EDA: variants seen among roughly 807,000 people sequenced by gnomAD.
EDA encodes the protein ectodysplasin-A.
Under a neutral mutation model 23.6 loss-of-function variants are expected in EDA, and 2 were observed. The observed-to-expected ratio is 0.08, with a 90% confidence interval of 0.03 to 0.27. EDA has a LOEUF of 0.27. Among genes scored for constraint, EDA ranks in the 10% least tolerant of loss-of-function variants. The pLI, the probability that EDA is intolerant of heterozygous loss-of-function variation, is 1.00. For missense variants in EDA, 229 were observed against 324.2 expected (o/e 0.71, Z 2.26); for synonymous variants, 131 against 132.0 (o/e 0.99, Z 0.05).
At chrX:69,964,032 A>G (rs1160207376) in intron 2 of EDA, among the ~76,000 whole-genome samples, 1 of 111,389 alleles carries the variant, frequency 9.0e-6, no homozygotes, top group Non-Finnish European at 1.9e-5. Flanking sequence ...GGCCCACCTG[A>G]CCTGATGTTC....
chrX:69,972,996 G>A (rs1250257015), intron 2 of EDA, among the ~76,000 whole-genome samples: 1 of 108,313 alleles, frequency 9.2e-6, no homozygotes, highest in East Asian at 2.8e-4. Flanking sequence ...AACTAACTAA[G>A]CTAATCTAAG....
intron 1 of EDA, among the ~76,000 whole-genome samples, chrX:69,632,630 C>T (rs1015833737): frequency 8.9e-6 from 1 of 112,326 alleles, no homozygotes; most frequent in Non-Finnish European, 1.9e-5. Context: ...ACATACTTCA[C>T]TTTCAGCTGT....
intron 1 of EDA, among the ~76,000 whole-genome samples, chrX:69,758,749 T>C (rs1347388724): frequency 3.6e-5 from 4 of 112,153 alleles, no homozygotes; most frequent in African/African-American, 1.3e-4. Flanking sequence ...GACAGGAGAA[T>C]CGCTTGAGCC....
intron 1 of EDA, among the ~76,000 whole-genome samples, chrX:69,771,744 G>A (rs1173599995): frequency 8.9e-6 from 1 of 111,902 alleles, no homozygotes; most frequent in African/African-American, 3.2e-5. Flanking sequence ...TCTGGGTTAT[G>A]TATTCTGTTC....
intron 1 of EDA, among the ~76,000 whole-genome samples, chrX:69,874,039 G>A (rs1231459708): frequency 8.9e-6 from 1 of 112,200 alleles, no homozygotes; most frequent in Non-Finnish European, 1.9e-5. Flanking sequence ...CGCTGGGCAC[G>A]GTAGCTCACG....
intron 1 of EDA, among the ~76,000 whole-genome samples, chrX:69,956,272 T>TTTCC (rs2018999225): frequency 8.5e-5 from 1 of 11,731 alleles, no homozygotes; most frequent in South Asian, 1.7e-3. Flanking sequence ...AATTCAAGGT[T>TTTCC]TTCTTTCTTT....
chrX:69,766,403 C>T (rs972524143), intron 1 of EDA, among the ~76,000 whole-genome samples: 6 of 110,661 alleles, frequency 5.4e-5, no homozygotes, highest in South Asian at 7.7e-4. Flanking sequence ...AGTACCCAAT[C>T]GTTATTTTTT....
intron 1 of EDA, among the ~76,000 whole-genome samples, chrX:69,645,634 A>ATGTG (rs1932912085): frequency 3.6e-5 from 3 of 83,833 alleles, no homozygotes; most frequent in African/African-American, 1.0e-4. Flanking sequence ...ATATATATAT[A>ATGTG]TGTATAAAAT....
intron 2 of EDA, among the ~76,000 whole-genome samples, chrX:69,995,814 G>A (rs754309943): frequency 6.4e-4 from 72 of 112,270 alleles, no homozygotes; most frequent in African/African-American, 2.2e-3. Flanking sequence ...ACCTCACTCC[G>A]TACTTCCAGA....
chrX:69,868,093 C>T (rs1473296222), intron 1 of EDA, among the ~76,000 whole-genome samples: 1 of 111,516 alleles, frequency 9.0e-6, no homozygotes, highest in Non-Finnish European at 1.9e-5. Flanking sequence ...ATCCTAGAGG[C>T]CTCCATTGTG....
chrX:69,992,131 TGGTGATTCCA>T (rs1040005291), intron 2 of EDA, among the ~76,000 whole-genome samples: 13 of 112,142 alleles, frequency 1.2e-4, no homozygotes, highest in African/African-American at 4.2e-4. Flanking sequence ...CTATGCATGT[TGGTGATTCCA>T]GGTTGCAGGA....
intron 1 of EDA, among the ~76,000 whole-genome samples, chrX:69,820,969 A>G (rs756120636): frequency 9.0e-6 from 1 of 111,327 alleles, no homozygotes; most frequent in Non-Finnish European, 1.9e-5. Flanking sequence ...CAGAACAGCT[A>G]AGACATGGAA....
At chrX:69,729,813 C>T (rs576776203) in intron 1 of EDA, among the ~76,000 whole-genome samples, 16 of 110,968 alleles carry the variant, frequency 1.4e-4, no homozygotes, top group African/African-American at 5.2e-4. Context: ...AGAATGTTTC[C>T]TCCCCCTTTC....
chrX:69,690,173 T>C (rs1934670886), intron 1 of EDA, among the ~76,000 whole-genome samples: 1 of 111,267 alleles, frequency 9.0e-6, no homozygotes, highest in Non-Finnish European at 1.9e-5. Flanking sequence ...TTCATAACTA[T>C]AACCTCTAGT....
intron 1 of EDA, among the ~76,000 whole-genome samples, chrX:69,830,917 C>T (rs1177551236): frequency 9.0e-6 from 1 of 111,371 alleles, no homozygotes; most frequent in Non-Finnish European, 1.9e-5. Flanking sequence ...GTAGAGGGTT[C>T]CATAGCCAAA....
chrX:69,802,652 A>C (rs1231051895), intron 1 of EDA, among the ~76,000 whole-genome samples: 1 of 111,060 alleles, frequency 9.0e-6, no homozygotes, highest in Non-Finnish European at 1.9e-5. Context: ...GTATGTCCTT[A>C]GGCAAGTCAC....
At chrX:69,973,688 T>C (rs2019277963) in intron 2 of EDA, among the ~76,000 whole-genome samples, 1 of 111,461 alleles carries the variant, frequency 9.0e-6, no homozygotes, top group African/African-American at 3.3e-5. Flanking sequence ...AGCGTCAAAA[T>C]CTAACAACCC....
intron 1 of EDA, among the ~76,000 whole-genome samples, chrX:69,944,579 G>A (rs772080081): frequency 1.8e-5 from 2 of 111,289 alleles, no homozygotes; most frequent in African/African-American, 6.5e-5. Flanking sequence ...TTCTCCCCTC[G>A]CCTCTCCTCA....
At chrX:69,942,596 C>A (rs1365045264) in intron 1 of EDA, among the ~76,000 whole-genome samples, 1 of 110,926 alleles carries the variant, frequency 9.0e-6, no homozygotes, top group African/African-American at 3.3e-5. Flanking sequence ...TTATTTGTTT[C>A]TTTTCTCTTG....
Sources: allele counts gnomAD v4.1 joint callset (sites outside exome capture counted in the v4.1 genomes callset), GRCh38; gene constraint gnomAD v4.1.1; transcripts MANE v1.5; gene names NCBI Gene and HGNC (gene_info 2026-07-23, HGNC 2026-07-21).